Variants in DAB1 observed in about 807,000 individuals in gnomAD.
DAB1 encodes the protein DAB adaptor protein 1, also known as disabled homolog 1.
Under a neutral mutation model 64.6 loss-of-function variants are expected in DAB1, and 15 were observed. That is an observed-to-expected ratio of 0.23 (90% CI 0.16 to 0.36). The LOEUF is 0.36. Ranked by LOEUF, DAB1 falls within the 10% of genes least tolerant of loss-of-function variation. DAB1 has a pLI of 1.00. For synonymous variants in DAB1, 235 were observed against 251.9 expected, an observed-to-expected ratio of 0.93 and a Z score of 0.64; for missense variants, 596 against 706.7, an observed-to-expected ratio of 0.84 and a Z score of 1.78.
chr1:58,070,771 T>A (rs1427693896), intron 5 of DAB1, among the ~76,000 whole-genome samples: 1 of 151,062 alleles, frequency 6.6e-6, no homozygotes, highest in African/African-American at 2.4e-5. Context: ...AGGACAGGAG[T>A]GAGGAGGAGG....
intron 7 of DAB1, among the ~76,000 whole-genome samples, chr1:57,591,672 C>T (rs183252774): frequency 1.3e-5 from 2 of 152,356 alleles, no homozygotes; most frequent in East Asian, 3.9e-4. Context: ...CACAGCATCA[C>T]TATTAGGCAT....
At chr1:57,915,128 A>AT (rs1260537516) in intron 5 of DAB1, among the ~76,000 whole-genome samples, 1 of 101,712 alleles carries the variant, frequency 9.8e-6, no homozygotes, top group Non-Finnish European at 2.1e-5. Context: ...TCTTTAAATC[A>AT]TAAAAAAAAA....
At chr1:58,035,795 G>A (rs1048487022) in intron 5 of DAB1, among the ~76,000 whole-genome samples, 5 of 152,148 alleles carry the variant, frequency 3.3e-5, no homozygotes, top group Admixed American at 6.5e-5. Context: ...AACAACCCCC[G>A]GCCTATGGGG....
chr1:57,970,055 T>C (rs72922525), intron 5 of DAB1, among the ~76,000 whole-genome samples: 2,802 of 152,252 alleles, frequency 0.018, 87 homozygotes, highest in African/African-American at 0.064. Flanking sequence ...TCTTCTACCA[T>C]GTGAGGACAC....
intron 5 of DAB1, chr1:58,074,564 G>GTGTGTGTGTATATATATA (rs1332531604): frequency 1.1e-5 from 1 of 91,632 alleles, no homozygotes; most frequent in African/African-American, 4.4e-5. Flanking sequence ...ATATATGTGT[G>GTGTGTGTGTATATATATA]TATATATATA....
intron 4 of DAB1, among the ~76,000 whole-genome samples, chr1:57,131,272 A>G (rs1657631780): frequency 6.6e-6 from 1 of 152,192 alleles, no homozygotes; most frequent in Non-Finnish European, 1.5e-5. Flanking sequence ...AACTTCATGA[A>G]GTCATTTAAC....
chr1:57,212,133 A>G (rs1168146645), intron 2 of DAB1, among the ~76,000 whole-genome samples: 3 of 152,050 alleles, frequency 2.0e-5, no homozygotes, highest in African/African-American at 7.3e-5. Context: ...TGCCTCCTAA[A>G]CCTATATTCT....
At chr1:57,011,366 C>G (rs1295525114) in intron 12 of DAB1, 94 bp from the exon 13 acceptor site, 1 of 1,410,714 alleles carries the variant, frequency 7.1e-7, no homozygotes, top group Non-Finnish European at 9.7e-7. Context: ...ATATTGAAGT[C>G]AAATCTTAGG....
At chr1:57,441,358 T>C (rs1685953184) in intron 7 of DAB1, among the ~76,000 whole-genome samples, 1 of 151,526 alleles carries the variant, frequency 6.6e-6, no homozygotes, top group African/African-American at 2.4e-5. Context: ...TTTTTTTCTT[T>C]CTTCTTTCTT....
chr1:58,538,317 T>C (rs997089881), intron 1 of DAB1, among the ~76,000 whole-genome samples: 1 of 152,166 alleles, frequency 6.6e-6, no homozygotes, highest in Admixed American at 6.5e-5. Flanking sequence ...ATTAATGACT[T>C]AAGAGTTAAC....
At chr1:57,091,020 C>T (rs1037199337) in intron 4 of DAB1, among the ~76,000 whole-genome samples, 3 of 152,078 alleles carry the variant, frequency 2.0e-5, no homozygotes, top group Admixed American at 2.0e-4. Flanking sequence ...TCCCTCACCC[C>T]GCCCCACCCC....
At chr1:58,275,818 CT>C (rs1360071407) in intron 4 of DAB1, among the ~76,000 whole-genome samples, 1 of 152,168 alleles carries the variant, frequency 6.6e-6, no homozygotes, top group Non-Finnish European at 1.5e-5. Flanking sequence ...AATTTCACTT[CT>C]GGATATATAT....
At chr1:58,154,647 G>T (rs1018306275) in intron 4 of DAB1, among the ~76,000 whole-genome samples, 1 of 152,150 alleles carries the variant, frequency 6.6e-6, no homozygotes, top group Non-Finnish European at 1.5e-5. Context: ...GACTGGCTCT[G>T]CCTAGTAGAG....
chr1:58,098,859 A>C (rs1218082088), intron 5 of DAB1, among the ~76,000 whole-genome samples: 1 of 152,198 alleles, frequency 6.6e-6, no homozygotes, highest in African/African-American at 2.4e-5. Flanking sequence ...TCAAAACTGT[A>C]AGAAAATAAA....
intron 1 of DAB1, among the ~76,000 whole-genome samples, chr1:57,382,423 T>C (rs1163298581): frequency 6.6e-6 from 1 of 152,202 alleles, no homozygotes; most frequent in Non-Finnish European, 1.5e-5. Context: ...GCTGTATTAG[T>C]TTTCTTTTGC....
chr1:58,265,132 T>TG (rs1221243697), intron 4 of DAB1, among the ~76,000 whole-genome samples: 1 of 152,096 alleles, frequency 6.6e-6, no homozygotes, highest in African/African-American at 2.4e-5. Context: ...GAGAGGGCAC[T>TG]TTACACACAA....
intron 7 of DAB1, among the ~76,000 whole-genome samples, chr1:57,544,013 T>C (rs1644830562): frequency 6.6e-6 from 1 of 151,832 alleles, no homozygotes; most frequent in Non-Finnish European, 1.5e-5. Flanking sequence ...GAGGCTGAGG[T>C]GGGAGGATCA....
At chr1:57,626,980 G>A (rs1460381996) in intron 7 of DAB1, among the ~76,000 whole-genome samples, 1 of 152,160 alleles carries the variant, frequency 6.6e-6, no homozygotes, top group Non-Finnish European at 1.5e-5. Flanking sequence ...TGGCCACAGG[G>A]AGCACAGACT....
intron 2 of DAB1, among the ~76,000 whole-genome samples, chr1:57,265,836 G>A (rs577092953): frequency 6.6e-6 from 1 of 152,154 alleles, no homozygotes; most frequent in Non-Finnish European, 1.5e-5. Flanking sequence ...GGTCCCAGGT[G>A]GTATCTATGT....
Sources: gnomAD v4.1 joint callset for allele counts (sites outside exome capture counted in the v4.1 genomes callset) on GRCh38, gnomAD v4.1.1 for gene constraint, MANE v1.5 for transcripts, NCBI Gene and HGNC (gene_info 2026-07-23, HGNC 2026-07-21) for gene names.